The following ROR1 variants were observed in gnomAD, a reference collection of about 807,000 sequenced individuals.
ROR1 encodes the protein ROR family WNT receptor 1.
Under a neutral mutation model 78.8 loss-of-function variants are expected in ROR1, and 19 were observed. That is an observed-to-expected ratio of 0.24 (90% CI 0.17 to 0.35). The LOEUF is 0.35. Among genes scored for constraint, ROR1 ranks in the 10% least tolerant of loss-of-function variants. ROR1 has a pLI of 1.00. For synonymous variants in ROR1, 386 were observed against 433.6 expected (o/e 0.89, Z 1.36); for missense variants, 917 against 1,177.8 (o/e 0.78, Z 3.24).
In ROR1 at chr1:64,165,349, G is replaced by A. The variant is rs1650055531; in HGVS notation, c.1386+6157G>A. Among the ~76,000 whole-genome samples the A allele has an allele frequency of 2.0e-5, 3 of 152,046 alleles. No individual in the cohort carries two copies. The South Asian group carries it at 6.2e-4, about 32-fold the overall frequency. On this transcript the variant is annotated intron_variant, in intron 8 of 8. Coordinates refer to ENST00000371079, the MANE Select transcript of ROR1 (RefSeq NM_005012.4). ...CATTTCTCTAATAATCAGTGATGTT[G>A]AGCTTTTTTTCATATGTTTGTTGGC...
intron 1 of ROR1, among the ~76,000 whole-genome samples, chr1:63,849,548 A>G (rs1021709128): frequency 1.3e-5 from 2 of 152,102 alleles, no homozygotes; most frequent in Admixed American, 1.3e-4. Context: ...AAATAAAAAA[A>G]GTTGGCGGGG....
chr1:63,980,769 A>T lies in ROR1; in HGVS notation c.92-28536A>T, dbSNP rs571068364. ...CCTTAGCCACATGGCTGTGGAAGGG[A>T]AGGAGGTAGGGATGGCCCTAGTCAC... is the stretch of plus-strand genomic sequence containing the variant. On this transcript the variant is annotated intron_variant, in intron 1 of 8. Coordinates refer to ENST00000371079, the MANE Select transcript of ROR1 (RefSeq NM_005012.4). 7.2e-5 allele frequency among the ~76,000 whole-genome samples: 11 copies of T among 152,290 alleles called. No homozygotes were observed. The East Asian group carries it at 1.2e-3, about 16-fold the overall frequency.
intron 4 of ROR1, among the ~76,000 whole-genome samples, chr1:64,079,850 A>G (rs1232773267): frequency 7.3e-6 from 1 of 136,234 alleles, no homozygotes; most frequent in African/African-American, 2.8e-5. Flanking sequence ...TTTTTTTTTT[A>G]TTCCAGGAGG....
At chr1:63,962,316 G>C (rs1226717519) in intron 1 of ROR1, among the ~76,000 whole-genome samples, 1 of 152,224 alleles carries the variant, frequency 6.6e-6, no homozygotes. Flanking sequence ...AAGAATAGGA[G>C]ATGGATCTAA....
chr1:64,148,713 T>A (rs1569854954), intron 7 of ROR1, among the ~76,000 whole-genome samples: 1 of 152,264 alleles, frequency 6.6e-6, no homozygotes, highest in South Asian at 2.1e-4. Flanking sequence ...TTAAGTACAA[T>A]CAAATATGGC....
chr1:64,036,726 G>A (rs1448435552), intron 2 of ROR1, among the ~76,000 whole-genome samples: 3 of 152,144 alleles, frequency 2.0e-5, no homozygotes, highest in Non-Finnish European at 4.4e-5. Context: ...CTCCTGCTAG[G>A]TAACAAACCA....
At chr1:63,939,352 A>G (rs1645818267) in intron 1 of ROR1, among the ~76,000 whole-genome samples, 1 of 152,216 alleles carries the variant, frequency 6.6e-6, no homozygotes, top group African/African-American at 2.4e-5. Flanking sequence ...AGCAAAGTTA[A>G]GGAATACAGG....
At chr1:63,887,830 C>G (rs995567224) in intron 1 of ROR1, among the ~76,000 whole-genome samples, 4 of 152,184 alleles carry the variant, frequency 2.6e-5, no homozygotes, top group African/African-American at 9.6e-5. Context: ...TACCACATAG[C>G]AGAAAATGAT....
At chr1:63,789,322 T>C in intron 1 of ROR1, 1 of 488,692 alleles carries the variant, frequency 2.0e-6, no homozygotes, top group Non-Finnish European at 3.8e-6. Flanking sequence ...ACCATAGCAG[T>C]GAAAGGTGAG....
At position 64,178,407 on chromosome 1, in the gene ROR1, A is replaced by G. The variant is rs1439100275; in HGVS notation, c.2366A>G (p.Tyr789Cys). ...CTCAGTAACCCCAGATATCCTAATT[A>G]CATGTTCCCGAGCCAGGGTATTACA... ...SNLSNPRYPN[Y>C]MFPSQGITPQ... The change falls in exon 9 of 9, where the codon TAC becomes TGC. Residue 789 changes from tyrosine (Y) to cysteine (C), a missense_variant. Transcript: ENST00000371079. This position sits in a 1 kb window ranked among gnomAD's most constrained non-coding sequence, Gnocchi z 4.3. 1 of 1,614,134 alleles carries G rather than the reference A, an allele frequency of 6.2e-7. No homozygotes were observed. Among genetic ancestry groups the G allele is most frequent in the Non-Finnish European group, 8.5e-7 (1 of 1,180,022 alleles).
At chr1:63,808,990 A>G (rs561087690) in intron 1 of ROR1, among the ~76,000 whole-genome samples, 3 of 152,296 alleles carry the variant, frequency 2.0e-5, no homozygotes, top group African/African-American at 7.2e-5. Flanking sequence ...GGCTAGATGT[A>G]GTCATCTTGT....
intron 4 of ROR1, among the ~76,000 whole-genome samples, chr1:64,076,774 T>C (rs979495888): frequency 6.6e-6 from 1 of 152,256 alleles, no homozygotes; most frequent in African/African-American, 2.4e-5. Context: ...ATGCAAGTTA[T>C]AAGCTTTCCT....
Position 63,787,524 on chromosome 1 carries a change from CT to C in ROR1, c.91+13030del, listed in dbSNP as rs111470579. 7.3e-3 allele frequency among the ~76,000 whole-genome samples: 843 copies of C among 114,908 alleles called. 4 individuals are homozygous for C. The highest frequency in any genetic ancestry group is 0.016 in the African/African-American group (466 of 29,444). 75.4% of individuals were successfully genotyped at this position (114,908 alleles called of 152,430 possible). ...TGACTTCCTTTCTTTCCTTCCTTCT[CT>C]TTTTTTTTTTTTTCTTTTTTGATGG... On this transcript the variant is annotated intron_variant, in intron 1 of 8. Transcript: ENST00000371079.
At chr1:63,802,270 T>G (rs1644802143) in intron 1 of ROR1, among the ~76,000 whole-genome samples, 1 of 152,168 alleles carries the variant, frequency 6.6e-6, no homozygotes, top group African/African-American at 2.4e-5. Context: ...GAATAGTGCA[T>G]GGCTTGTCCA....
At chr1:64,014,740 C>CTATGTGTATATATATATATATATA (rs1646504735) in intron 2 of ROR1, among the ~76,000 whole-genome samples, 1 of 29,048 alleles carries the variant, frequency 3.4e-5, no homozygotes, top group African/African-American at 1.1e-4. Flanking sequence ...CATACGCACA[C>CTATGTGTATATATATATATATATA]TATATATATA....
At chr1:64,100,757 C>T (rs941853380) in intron 4 of ROR1, among the ~76,000 whole-genome samples, 4 of 152,186 alleles carry the variant, frequency 2.6e-5, no homozygotes, top group African/African-American at 9.7e-5. Flanking sequence ...CAAGCATTAG[C>T]AATCTACCCA....
chr1:64,034,431 A>G (rs1646685066), intron 2 of ROR1, among the ~76,000 whole-genome samples: 1 of 152,206 alleles, frequency 6.6e-6, no homozygotes, highest in South Asian at 2.1e-4. Flanking sequence ...TGTAGCTTCC[A>G]AAATGGAATG....
At chr1:64,136,806 C>G (rs550468488) in intron 4 of ROR1, among the ~76,000 whole-genome samples, 1 of 152,208 alleles carries the variant, frequency 6.6e-6, no homozygotes, top group African/African-American at 2.4e-5. Context: ...TTCAAACTCT[C>G]CAGACTATGG....
intron 1 of ROR1, among the ~76,000 whole-genome samples, chr1:63,877,702 T>A (rs988869552): frequency 3.3e-5 from 5 of 152,022 alleles, no homozygotes; most frequent in African/African-American, 1.2e-4. Context: ...TAGAGAAAAT[T>A]TAAGGGATAT....
Sources: gnomAD v4.1 joint callset for allele counts (sites outside exome capture counted in the v4.1 genomes callset) on GRCh38, gnomAD v4.1.1 for gene constraint, Gnocchi (gnomAD v3.1) non-coding constraint, MANE v1.5 for transcripts, NCBI Gene and HGNC (gene_info 2026-07-23, HGNC 2026-07-21) for gene names.